Variants in MCTP1 observed in about 807,000 individuals in gnomAD.
The protein encoded by MCTP1 is multiple C2 and transmembrane domain-containing protein 1.
In MCTP1, 69 loss-of-function variants were observed where a neutral mutation model predicts 120.6. That is an observed-to-expected ratio of 0.57 (90% CI 0.47 to 0.70). MCTP1 has a LOEUF of 0.70. Ranked by LOEUF, MCTP1 falls within the 30% of genes least tolerant of loss-of-function variation. MCTP1 has a pLI of 0.00. For missense variants in MCTP1, 1,203 were observed against 1,248.8 expected (o/e 0.96, Z 0.55); for synonymous variants, 529 against 493.1 (o/e 1.07, Z -0.96).
chr5:95,047,156 G>A (rs1017669329), intron 1 of MCTP1, among the ~76,000 whole-genome samples: 1 of 152,144 alleles, frequency 6.6e-6, no homozygotes, highest in African/African-American at 2.4e-5. Flanking sequence ...GTTGCAACAA[G>A]CACATGAAAG....
Position 94,918,779 on chromosome 5 carries a change from C to G in MCTP1, c.1273-806G>C, listed in dbSNP as rs527420011. On this transcript the variant is annotated intron_variant, in intron 7 of 22. Transcript: ENST00000515393. ...AGTCAGAAAGGTGGGTTAAATCACA[C>G]GGAAAGAAAGGAACATTTATTGTGC... Among the ~76,000 whole-genome samples, 23 of 152,228 alleles carry G rather than the reference C, an allele frequency of 1.5e-4. 1 individual carries two copies. The highest frequency in any genetic ancestry group is 1.5e-3 in the South Asian group (7 of 4,818).
At chr5:95,200,454 C>T (rs544378204) in intron 1 of MCTP1, among the ~76,000 whole-genome samples, 1 of 152,288 alleles carries the variant, frequency 6.6e-6, no homozygotes, top group East Asian at 1.9e-4. Context: ...GCTAAGTGTC[C>T]TTCAACAGGT....
At chr5:94,844,732 T>C (rs1211242678) in intron 17 of MCTP1, among the ~76,000 whole-genome samples, 3 of 152,190 alleles carry the variant, frequency 2.0e-5, no homozygotes, top group Non-Finnish European at 4.4e-5. Context: ...TTACTTTATA[T>C]TGATGATTTT....
At chr5:95,072,081 C>CTGTGTGTGTGTGTA (rs1752307651) in intron 1 of MCTP1, among the ~76,000 whole-genome samples, 2 of 143,784 alleles carry the variant, frequency 1.4e-5, no homozygotes, top group African/African-American at 5.2e-5. Flanking sequence ...GCCAATTTTC[C>CTGTGTGTGTGTGTA]TGTGTGTGTG....
intron 1 of MCTP1, among the ~76,000 whole-genome samples, chr5:95,077,032 C>T (rs1272680723): frequency 2.0e-5 from 3 of 152,208 alleles, no homozygotes; most frequent in Non-Finnish European, 2.9e-5. Flanking sequence ...AGCCTTTAGT[C>T]ACCTTCCTTA....
intron 1 of MCTP1, among the ~76,000 whole-genome samples, chr5:95,174,546 TG>T (rs1747743163): frequency 6.6e-6 from 1 of 152,224 alleles, no homozygotes; most frequent in South Asian, 2.1e-4. Flanking sequence ...TTTTTGCATG[TG>T]AAAAATAACA....
At chr5:95,276,447 G>A (rs933524824) in intron 1 of MCTP1, among the ~76,000 whole-genome samples, 8 of 150,426 alleles carry the variant, frequency 5.3e-5, no homozygotes, top group African/African-American at 1.5e-4. Flanking sequence ...TAGTAGAGAT[G>A]GGGTTTCACC....
At chr5:95,061,956 C>T (rs1749351379) in intron 1 of MCTP1, among the ~76,000 whole-genome samples, 1 of 152,174 alleles carries the variant, frequency 6.6e-6, no homozygotes, top group Non-Finnish European at 1.5e-5. Context: ...TACAGGCTGA[C>T]TCTGGAGCCT....
intron 17 of MCTP1, among the ~76,000 whole-genome samples, chr5:94,847,455 G>T (rs575474358): frequency 2.0e-5 from 3 of 151,768 alleles, no homozygotes; most frequent in African/African-American, 7.3e-5. Context: ...AAAATAAAAG[G>T]TCAAATTTCC....
At chr5:94,735,833 G>C (rs191037435) in intron 19 of MCTP1, among the ~76,000 whole-genome samples, 2 of 152,044 alleles carry the variant, frequency 1.3e-5, no homozygotes, top group African/African-American at 4.8e-5. Flanking sequence ...TATCTAACTC[G>C]ACAGTATGTT....
In MCTP1 at chr5:95,057,681, C is replaced by A. The variant is rs575016805; in HGVS notation, c.721-40197G>T. Among the ~76,000 whole-genome samples the A allele has an allele frequency of 1.2e-4, 19 of 152,252 alleles. 1 individual carries two copies. In the South Asian group the frequency reaches 3.9e-3, roughly 32 times the overall value. On this transcript the variant is annotated intron_variant, in intron 1 of 22. Transcript: ENST00000515393. ...GAATAGTCTCCCTTTATAAGCTCAC[C>A]CCCAGCTTTACCTTGGTAAATACCT...
intron 11 of MCTP1, among the ~76,000 whole-genome samples, chr5:94,893,915 T>G (rs528663887): frequency 6.6e-6 from 1 of 152,334 alleles, no homozygotes; most frequent in East Asian, 1.9e-4. Context: ...AGGCATTTAC[T>G]TTTTCAAACC....
chr5:94,802,922 A>C (rs540229245), intron 17 of MCTP1, among the ~76,000 whole-genome samples: 1 of 152,286 alleles, frequency 6.6e-6, no homozygotes, highest in South Asian at 2.1e-4. Context: ...TGATAAGGAC[A>C]CTCACAAATG....
At chr5:95,162,130 A>G (rs1272603293) in intron 1 of MCTP1, among the ~76,000 whole-genome samples, 1 of 152,202 alleles carries the variant, frequency 6.6e-6, no homozygotes, top group East Asian at 1.9e-4. Context: ...GTGCACTGAG[A>G]CGATAAGTAG....
chr5:94,854,994 G>C (rs153850), intron 17 of MCTP1, among the ~76,000 whole-genome samples: 87,866 of 151,522 alleles, frequency 0.58, 27,393 homozygotes, highest in Non-Finnish European at 0.71. Flanking sequence ...TCAGGAGATG[G>C]GTGTTTCATC....
intron 1 of MCTP1, among the ~76,000 whole-genome samples, chr5:95,087,360 C>T (rs150855304): frequency 2.6e-5 from 4 of 152,290 alleles, no homozygotes; most frequent in Admixed American, 2.0e-4. Context: ...ACTCAAATGC[C>T]TGAAGGCACA....
intron 1 of MCTP1, among the ~76,000 whole-genome samples, chr5:95,274,221 G>T (rs1319746573): frequency 6.6e-6 from 1 of 152,084 alleles, no homozygotes; most frequent in Non-Finnish European, 1.5e-5. Context: ...ACACTTATTT[G>T]CCTTTGTGCT....
Position 95,138,720 on chromosome 5 carries a change from C to T in MCTP1, c.721-121236G>A, listed in dbSNP as rs2152434787. On this transcript the variant is annotated intron_variant, in intron 1 of 22. Transcript: ENST00000515393. ...CTCCACCGGCTGCTCCCTCTCACAT[C>T]CCTCTCTGGATTCCTTATCACAAGG... 2.6e-5 allele frequency among the ~76,000 whole-genome samples: 4 copies of T among 152,276 alleles called. No homozygotes were observed. The South Asian group carries it at 8.3e-4, about 32-fold the overall frequency.
chr5:94,798,115 AC>A (rs1780461770), intron 18 of MCTP1, among the ~76,000 whole-genome samples: 2 of 148,864 alleles, frequency 1.3e-5, no homozygotes, highest in Non-Finnish European at 3.0e-5. Context: ...AAAAAAAAAA[AC>A]ATAGTAATCT....
Sources: allele counts gnomAD v4.1 joint callset (sites outside exome capture counted in the v4.1 genomes callset), GRCh38; gene constraint gnomAD v4.1.1; transcripts MANE v1.5; gene names NCBI Gene and HGNC (gene_info 2026-07-23, HGNC 2026-07-21).